Variants in PARVB observed in about 807,000 individuals in gnomAD.
PARVB encodes the protein parvin beta.
In PARVB, 46 loss-of-function variants were observed where a neutral mutation model predicts 47.0. The ratio of observed to expected loss-of-function variants is 0.98; its 90% CI spans 0.77 to 1.25. The LOEUF is 1.25. Ranked by LOEUF, PARVB falls within the 50% of genes most tolerant of loss-of-function variation. PARVB has a pLI of 0.00. For missense variants in PARVB, 473 were observed against 471.6 expected, an observed-to-expected ratio of 1.00 and a Z score of -0.03; for synonymous variants, 196 against 196.3, an observed-to-expected ratio of 1.00 and a Z score of 0.01.
intron 9 of PARVB, 144 bp from the exon 10 acceptor site, chr22:44,151,339 G>C (rs2053803293): frequency 3.1e-6 from 2 of 644,656 alleles, no homozygotes; most frequent in South Asian, 3.5e-5. Flanking sequence ...TATTGAGTTT[G>C]AAACATGGGC....
chr22:44,066,802 CTCCTCCTCCTCCTCCTCCTCT>C, intron 1 of PARVB, among the ~76,000 whole-genome samples: 4 of 134,112 alleles, frequency 3.0e-5, no homozygotes, highest in South Asian at 4.5e-4. Flanking sequence ...CCTCCTCCTC[CTCCTCCTCCTCCTCCTCCTCT>C]TCCTCCTCCA....
chr22:44,063,320 G>A (rs934265452), intron 1 of PARVB, among the ~76,000 whole-genome samples: 11 of 151,270 alleles, frequency 7.3e-5, no homozygotes, highest in African/African-American at 2.2e-4. Context: ...TCCGCCTCCC[G>A]GGTTCAAGTG....
intron 1 of PARVB, chr22:44,086,817 C>T: frequency 1.0e-6 from 1 of 985,438 alleles, no homozygotes; most frequent in Non-Finnish European, 1.2e-6. Context: ...CCACACCCCT[C>T]TGAGTACGGA....
intron 1 of PARVB, among the ~76,000 whole-genome samples, chr22:44,057,234 A>T (rs930477713): frequency 4.6e-5 from 7 of 152,164 alleles, no homozygotes; most frequent in African/African-American, 9.7e-5. Context: ...ATTATTTTTT[A>T]AAAATGTGAT....
chr22:44,087,926 T>G (rs989881865), intron 1 of PARVB, among the ~76,000 whole-genome samples: 12 of 151,072 alleles, frequency 7.9e-5, no homozygotes, highest in Non-Finnish European at 1.6e-4. Flanking sequence ...CCGCACATAT[T>G]CCACCATTAT....
chr22:44,119,145 G>A lies in PARVB; in HGVS notation c.376+5G>A. 1 of 1,599,518 alleles carries A rather than the reference G, an allele frequency of 6.3e-7. No individual in the cohort carries two copies. Among genetic ancestry groups the A allele is most frequent in the Non-Finnish European group, 8.6e-7 (1 of 1,166,764 alleles). ...AGGTGCTGCAGAAGCTCTTGGGTGA[G>A]TTCACAGCAGGGACAGCTCTGTCCC... On this transcript the variant is annotated splice_donor_5th_base_variant and intron_variant, in intron 4 of 12. Transcript: ENST00000338758.
At chr22:44,116,243 C>T (rs1372949310) in intron 3 of PARVB, 1 of 152,246 alleles carries the variant, frequency 6.6e-6, no homozygotes, top group Non-Finnish European at 1.5e-5. Context: ...ATGATTCGAT[C>T]AGGTTGTCAC....
At chr22:44,010,131 T>C (rs2050507741) in intron 2 of PARVB, among the ~76,000 whole-genome samples, 1 of 152,146 alleles carries the variant, frequency 6.6e-6, no homozygotes, top group Admixed American at 6.6e-5. Flanking sequence ...AAATTGCAAA[T>C]GTAATTCCCA....
Position 44,163,940 on chromosome 22 carries a change from C to G in PARVB, c.1018+10C>G. 1 of 1,604,936 alleles carries G rather than the reference C, an allele frequency of 6.2e-7. No homozygotes were observed. The highest frequency in any genetic ancestry group is 8.5e-7 in the Non-Finnish European group (1 of 1,174,936). On this transcript the variant is annotated intron_variant, in intron 12 of 12. Transcript: ENST00000338758. ...AAGGCTCGTCCTGAAGGTAATGCCC[C>G]TGGCTCAGGTTCCCCCGGGAGAGGT... is the stretch of plus-strand genomic sequence containing the variant.
chr22:44,000,654 T>G (rs923438139), intron 2 of PARVB, among the ~76,000 whole-genome samples: 9 of 152,220 alleles, frequency 5.9e-5, no homozygotes, highest in African/African-American at 2.2e-4. Flanking sequence ...CATAGATACG[T>G]ATTTGGAAAA....
rs79210357 is a variant in PARVB, at chr22:44,169,048, C to G, written c.*370C>G. 327 of 206,522 alleles carry G rather than the reference C, an allele frequency of 1.6e-3. 7 individuals are homozygous for G. The highest frequency in any genetic ancestry group is 7.1e-3 in the African/African-American group (310 of 43,778). The allele number at this position is 206,522 out of a possible 1,614,324, so 12.8% of individuals were successfully genotyped here. On this transcript the variant is annotated 3_prime_UTR_variant, in exon 13 of 13. Transcript: ENST00000338758. ...CCCCCAGCTGGTTGAGAGCACCCTGCATTCTGCCTCATGGTGCAGTTAGCG... is the reference window on the plus strand; with the variant it reads ...CCCCCAGCTGGTTGAGAGCACCCTGGATTCTGCCTCATGGTGCAGTTAGCG...
At chr22:44,050,167 A>G (rs1172782988) in intron 1 of PARVB, among the ~76,000 whole-genome samples, 3 of 151,982 alleles carry the variant, frequency 2.0e-5, no homozygotes, top group Non-Finnish European at 4.4e-5. Flanking sequence ...CACTGCCTTT[A>G]CACTTCTTCA....
chr22:44,093,988 T>C lies in PARVB; in HGVS notation c.173T>C (p.Val58Ala), dbSNP rs1983609. Residue 58 changes from valine (V) to alanine (A), a missense_variant, in exon 2 of 13, where the codon GTG (valine) becomes GCG (alanine). By Grantham distance (64) the Val-to-Ala change is moderately conservative. Transcript: ENST00000338758. The part of the protein sequence containing the change: ...AINSPMSPAL[V>A]DVHPEDTQLE... Reference sequence around the variant, plus strand: ...AACTCACCGATGTCCCCCGCCCTGGTGGATGTTCACCCTGAAGACACCCAG... The same window carrying C: ...AACTCACCGATGTCCCCCGCCCTGGCGGATGTTCACCCTGAAGACACCCAG... The C allele has an allele frequency of 0.78, 1,255,586 of 1,610,808 alleles. 492,790 individuals carry two copies. The highest frequency in any genetic ancestry group is 0.96 in the East Asian group (43,271 of 44,846).
rs955182400 is a variant in PARVB at position 44,127,595 on chromosome 22, T to C, written c.377-3892T>C. On this transcript the variant is annotated intron_variant, in intron 4 of 12. Transcript: ENST00000338758. ...AGGACTGGGTCTGGGCTGTCAGCCA[T>C]TAGTGGTCAGGAAGAGGAAGTTCTG... is the stretch of plus-strand genomic sequence containing the variant. 2.6e-5 allele frequency among the ~76,000 whole-genome samples: 4 copies of C among 152,218 alleles called. No homozygotes were observed. In the South Asian group the frequency reaches 6.2e-4, roughly 24 times the overall value.
chr22:44,162,135 T>TG (rs1476965495), intron 11 of PARVB, among the ~76,000 whole-genome samples: 1 of 152,248 alleles, frequency 6.6e-6, no homozygotes, highest in Non-Finnish European at 1.5e-5. Flanking sequence ...GCACAGGCCG[T>TG]GTGCACTGTG....
At position 44,140,108 on chromosome 22, in the gene PARVB, G is replaced by T; in HGVS notation, c.693-16G>T. The stretch of plus-strand genomic sequence containing the variant: ...AGTGACCCATCTCATGGCTCTCTCT[G>T]TGTTCTTGTTTGCAGGATGATGATG... On this transcript the variant is annotated splice_polypyrimidine_tract_variant and intron_variant, in intron 7 of 12. Coordinates refer to ENST00000338758, the MANE Select transcript of PARVB (RefSeq NM_013327.5). 1 of 1,613,972 alleles carries T rather than the reference G, an allele frequency of 6.2e-7. No individual in the cohort carries two copies. The highest frequency in any genetic ancestry group is 8.5e-7 in the Non-Finnish European group (1 of 1,179,956).
chr22:44,172,629 C>T lies in PARVB; in HGVS notation c.*3951C>T, dbSNP rs942588074. On this transcript the variant is annotated 3_prime_UTR_variant, in exon 13 of 13. Transcript: ENST00000338758. ...CGCTGGGCCGTGGTGTCCTAATTGT[C>T]TTGGTGACAAAGAGCAATTTTATTT... 4.1e-6 allele frequency: 1 copy of T among 242,438 alleles called. No individual in the cohort carries two copies. Among genetic ancestry groups the T allele is most frequent in the Non-Finnish European group, 8.3e-6 (1 of 121,000 alleles). 15.0% of individuals were successfully genotyped at this position (242,438 alleles called of 1,614,324 possible).
intron 1 of PARVB, among the ~76,000 whole-genome samples, chr22:44,038,131 C>T (rs1320335537): frequency 6.6e-6 from 1 of 152,256 alleles, no homozygotes; most frequent in African/African-American, 2.4e-5. Context: ...GGTGGGGGCC[C>T]CTCTTTGCCC....
In PARVB at chr22:43,999,442, G is replaced by T. The variant is rs751522236; in HGVS notation, c.71+31G>T. On this transcript the variant is annotated intron_variant, in intron 1 of 13. Coordinates refer to the PARVB transcript ENST00000406477. Reference sequence around the variant, plus strand: ...CTGTGATTTAAACAAAACGAATGTTGTTAAAATCAGGTTGTACTCAGAAGT... The same window carrying T: ...CTGTGATTTAAACAAAACGAATGTTTTTAAAATCAGGTTGTACTCAGAAGT... 4.4e-6 allele frequency: 7 copies of T among 1,594,834 alleles called. No individual in the cohort carries two copies. The East Asian group carries it at 1.6e-4, about 36-fold the overall frequency.
Sources: allele counts gnomAD v4.1 joint callset (sites outside exome capture counted in the v4.1 genomes callset), GRCh38; gene constraint gnomAD v4.1.1; transcripts MANE v1.5; gene names NCBI Gene and HGNC (gene_info 2026-07-23, HGNC 2026-07-21).